Variants in NRG1 observed in about 807,000 individuals in gnomAD.
NRG1 encodes the protein pro-neuregulin-1, membrane-bound isoform.
NRG1 carries 18 observed loss-of-function variants against 63.8 expected under a neutral mutation model. The ratio of observed to expected loss-of-function variants is 0.28; its 90% CI spans 0.19 to 0.42. The LOEUF is 0.42. Among genes scored for constraint, NRG1 ranks in the 10% least tolerant of loss-of-function variants. NRG1 has a pLI of 1.00. For synonymous variants in NRG1, 302 were observed against 301.3 expected (o/e 1.00, Z -0.02); for missense variants, 762 against 814.7 (o/e 0.94, Z 0.79).
At chr8:32,615,093 T>G (rs1039093476) in intron 4 of NRG1, among the ~76,000 whole-genome samples, 6 of 152,160 alleles carry the variant, frequency 3.9e-5, no homozygotes, top group African/African-American at 1.4e-4. Flanking sequence ...GTTTCTCACT[T>G]GCCTGTAGTA....
chr8:32,472,013 C>A (rs1032174562), intron 1 of NRG1, among the ~76,000 whole-genome samples: 1 of 152,158 alleles, frequency 6.6e-6, no homozygotes, highest in Non-Finnish European at 1.5e-5. Context: ...CTCACTCTCT[C>A]CCTCACAACC....
intron 1 of NRG1, among the ~76,000 whole-genome samples, chr8:32,311,025 A>C (rs1222036176): frequency 1.3e-5 from 2 of 152,022 alleles, no homozygotes; most frequent in Admixed American, 1.3e-4. Context: ...TTCCTCTTCC[A>C]TGTTCATAGA....
At chr8:31,857,306 A>G (rs1274781436) in intron 1 of NRG1, among the ~76,000 whole-genome samples, 1 of 152,214 alleles carries the variant, frequency 6.6e-6, no homozygotes, top group Non-Finnish European at 1.5e-5. Flanking sequence ...GCGGGATATA[A>G]TCTCCTGATG....
intron 1 of NRG1, among the ~76,000 whole-genome samples, chr8:31,938,894 G>A (rs572515986): frequency 6.6e-5 from 10 of 152,040 alleles, no homozygotes; most frequent in Non-Finnish European, 1.3e-4. Flanking sequence ...ATGAACAAAG[G>A]CTCCAAGAAG....
Position 32,719,235 on chromosome 8 carries a change from T to C in NRG1, c.503-8714T>C, listed in dbSNP as rs114531416. Reference sequence around the variant, plus strand: ...CCTAAAATCATTATATTTTTGCATTTTTAAATTTTAAATATAAATATAAGC... The same window carrying C: ...CCTAAAATCATTATATTTTTGCATTCTTAAATTTTAAATATAAATATAAGC... On this transcript the variant is annotated intron_variant, in intron 5 of 11. Coordinates refer to ENST00000356819, the Ensembl canonical transcript of NRG1. 3.6e-3 allele frequency among the ~76,000 whole-genome samples: 543 copies of C among 152,184 alleles called. 2 individuals carry two copies. The highest frequency in any genetic ancestry group is 0.013 in the African/African-American group (525 of 41,542).
At chr8:31,688,662 A>G (rs545894864) in intron 1 of NRG1, among the ~76,000 whole-genome samples, 2 of 152,326 alleles carry the variant, frequency 1.3e-5, no homozygotes, top group South Asian at 4.1e-4. Flanking sequence ...TACAAAAGCT[A>G]TACAAGTATG....
chr8:32,140,944 T>TCTCTCTCTCTCTCGCTCA (rs1836170862), intron 1 of NRG1, among the ~76,000 whole-genome samples: 2 of 151,748 alleles, frequency 1.3e-5, no homozygotes, highest in Admixed American at 6.6e-5. Flanking sequence ...GCACCTTCTC[T>TCTCTCTCTCTCTCGCTCA]CTCTCTCTCT....
intron 1 of NRG1, among the ~76,000 whole-genome samples, chr8:32,580,499 C>G (rs1840444457): frequency 6.6e-6 from 1 of 152,210 alleles, no homozygotes; most frequent in African/African-American, 2.4e-5. Context: ...CACACACTGA[C>G]TGCTATGTGC....
At chr8:32,201,058 C>A (rs74387134) in intron 1 of NRG1, among the ~76,000 whole-genome samples, 3,087 of 152,238 alleles carry the variant, frequency 0.02, 99 homozygotes, top group African/African-American at 0.071. Context: ...ATATTTCAGG[C>A]CAACTTACTT....
chr8:31,742,829 G>A (rs1474723720), intron 1 of NRG1, among the ~76,000 whole-genome samples: 1 of 151,918 alleles, frequency 6.6e-6, no homozygotes, highest in Non-Finnish European at 1.5e-5. Context: ...TTGCACATGT[G>A]GGACATTTTC....
intron 5 of NRG1, among the ~76,000 whole-genome samples, chr8:32,662,859 T>C (rs1413225142): frequency 6.6e-6 from 1 of 152,118 alleles, no homozygotes; most frequent in Non-Finnish European, 1.5e-5. Context: ...AGGTGCCAAA[T>C]AAATCAAGGT....
intron 1 of NRG1, among the ~76,000 whole-genome samples, chr8:32,110,269 G>A (rs1831834993): frequency 6.6e-6 from 1 of 151,188 alleles, no homozygotes; most frequent in Non-Finnish European, 1.5e-5. Context: ...AACTTCAAGG[G>A]CTCAAGAGTC....
chr8:32,102,283 G>T (rs1036944313), intron 1 of NRG1, among the ~76,000 whole-genome samples: 1 of 152,050 alleles, frequency 6.6e-6, no homozygotes, highest in South Asian at 2.1e-4. Context: ...GACTACAGGC[G>T]TGTGCCACCA....
rs150592954 is a variant in NRG1, at chr8:31,921,138, C to G, written c.37+281707C>G. Reference sequence around the variant, plus strand: ...TACCTTCCTACTGAGGTACCCATTACTGAATATTTCTTTTCTATCATATGT... The same window carrying G: ...TACCTTCCTACTGAGGTACCCATTAGTGAATATTTCTTTTCTATCATATGT... On this transcript the variant is annotated intron_variant, in intron 1 of 10. Transcript: ENST00000519301. Among the ~76,000 whole-genome samples the G allele has an allele frequency of 3.3e-4, 50 of 152,252 alleles. No individual in the cohort carries two copies. The East Asian group carries it at 9.3e-3, about 28-fold the overall frequency.
chr8:32,230,041 A>G (rs778301475), intron 1 of NRG1, among the ~76,000 whole-genome samples: 3 of 152,060 alleles, frequency 2.0e-5, no homozygotes, highest in Non-Finnish European at 4.4e-5. Flanking sequence ...CTTGCCCTTT[A>G]CTAACAGCAA....
At chr8:32,407,471 A>G (rs917969708) in intron 1 of NRG1, among the ~76,000 whole-genome samples, 1 of 151,798 alleles carries the variant, frequency 6.6e-6, no homozygotes, top group African/African-American at 2.4e-5. Flanking sequence ...ATATTAGGTG[A>G]GTCAATACTT....
At chr8:32,527,933 TCTC>T (rs1465663736) in intron 1 of NRG1, among the ~76,000 whole-genome samples, 1 of 152,138 alleles carries the variant, frequency 6.6e-6, no homozygotes, top group African/African-American at 2.4e-5. Flanking sequence ...TCTCCCCAGT[TCTC>T]CTGCAATCAC....
At chr8:32,517,715 A>G (rs1588081844) in intron 1 of NRG1, among the ~76,000 whole-genome samples, 1 of 152,314 alleles carries the variant, frequency 6.6e-6, no homozygotes, top group Middle Eastern at 3.4e-3. Flanking sequence ...CATATGGAGC[A>G]TAAAATAATG....
At chr8:32,567,760 A>G (rs762464846) in intron 1 of NRG1, among the ~76,000 whole-genome samples, 5 of 152,260 alleles carry the variant, frequency 3.3e-5, no homozygotes, top group Admixed American at 6.5e-5. Flanking sequence ...AAGTGTCTTA[A>G]GGCGTGTGCA....
Sources: allele counts gnomAD v4.1 joint callset (sites outside exome capture counted in the v4.1 genomes callset), GRCh38; gene constraint gnomAD v4.1.1; transcripts MANE v1.5; gene names NCBI Gene and HGNC (gene_info 2026-07-23, HGNC 2026-07-21).